OSBPL8: variants seen among roughly 807,000 people sequenced by gnomAD.
OSBPL8 encodes the protein oxysterol-binding protein-related protein 8.
Under a neutral mutation model 125.5 loss-of-function variants are expected in OSBPL8, and 59 were observed. The ratio of observed to expected loss-of-function variants is 0.47; its 90% CI spans 0.38 to 0.58. OSBPL8 has a LOEUF of 0.58. Ranked by LOEUF, OSBPL8 falls within the 20% of genes least tolerant of loss-of-function variation. The pLI is 0.00. For missense variants in OSBPL8, 758 were observed against 1,047.8 expected (o/e 0.72, Z 3.82); for synonymous variants, 330 against 338.9 (o/e 0.97, Z 0.29).
At position 76,510,617 on chromosome 12, in the gene OSBPL8, C is replaced by T. The variant is rs545156318; in HGVS notation, c.-67-22999G>A. 1.5e-3 allele frequency among the ~76,000 whole-genome samples: 231 copies of T among 152,196 alleles called. 2 individuals carry two copies. The highest frequency in any genetic ancestry group is 4.9e-3 in the African/African-American group (203 of 41,542). ...ATTTATGACTGGGTGCAGTGGCTCA[C>T]GCCTGTAATCCCAGCACTTTGGGAG... On this transcript the variant is annotated intron_variant, in intron 1 of 23. Coordinates refer to ENST00000261183, the MANE Select transcript of OSBPL8 (RefSeq NM_020841.5).
intron 1 of OSBPL8, among the ~76,000 whole-genome samples, chr12:76,540,791 T>C (rs561048331): frequency 6.6e-6 from 1 of 152,126 alleles, no homozygotes; most frequent in South Asian, 2.1e-4. Context: ...ACTCCAAATA[T>C]ATTATTTGTA....
chr12:76,435,114 T>C (rs1026080695), intron 4 of OSBPL8, among the ~76,000 whole-genome samples: 1 of 151,908 alleles, frequency 6.6e-6, no homozygotes, highest in African/African-American at 2.4e-5. Context: ...AAATGTCCAC[T>C]GCAGAGAATG....
In OSBPL8 at chr12:76,491,491, T is replaced by C. The variant is rs73385518; in HGVS notation, c.-67-3873A>G. On this transcript the variant is annotated intron_variant, in intron 1 of 23. Transcript: ENST00000261183. ...GTGAAAACATTATTTAATTGGACTTTGTAAGGTTGACATTTGGCTCCTTTG... is the reference window on the plus strand; with the variant it reads ...GTGAAAACATTATTTAATTGGACTTCGTAAGGTTGACATTTGGCTCCTTTG... Among the ~76,000 whole-genome samples, 868 of 152,334 alleles carry C rather than the reference T, an allele frequency of 5.7e-3. 11 individuals are homozygous for C. The highest frequency in any genetic ancestry group is 0.02 in the African/African-American group (835 of 41,582).
At chr12:76,387,553 A>T (rs1304654195) in intron 12 of OSBPL8, among the ~76,000 whole-genome samples, 1 of 152,154 alleles carries the variant, frequency 6.6e-6, no homozygotes, top group Non-Finnish European at 1.5e-5. Context: ...CTGATTGTGT[A>T]TGTCTGAAGT....
chr12:76,486,060 T>C (rs1279612902), intron 2 of OSBPL8: 1 of 431,302 alleles, frequency 2.3e-6, no homozygotes, highest in Admixed American at 2.6e-5. Flanking sequence ...TAAATCAATG[T>C]GACAACAGCC....
chr12:76,476,468 G>A lies in OSBPL8; in HGVS notation c.42+11042C>T, dbSNP rs974117995. On this transcript the variant is annotated intron_variant, in intron 2 of 23. Coordinates refer to ENST00000261183, the MANE Select transcript of OSBPL8 (RefSeq NM_020841.5). ...TGAACAAGCAAATATTTTTAAAGCC[G>A]ATAATACTGGGTATAAAAATATTAT... Among the ~76,000 whole-genome samples, 5 of 152,112 alleles carry A rather than the reference G, an allele frequency of 3.3e-5. No individual in the cohort carries two copies. The East Asian group carries it at 9.6e-4, about 29-fold the overall frequency.
chr12:76,457,279 T>C (rs960032043), intron 3 of OSBPL8, among the ~76,000 whole-genome samples: 1 of 152,124 alleles, frequency 6.6e-6, no homozygotes, highest in African/African-American at 2.4e-5. Flanking sequence ...ATATTGTATC[T>C]TTATGTTTGT....
chr12:76,446,801 T>C (rs1313111627), intron 4 of OSBPL8, among the ~76,000 whole-genome samples: 1 of 152,142 alleles, frequency 6.6e-6, no homozygotes, highest in East Asian at 1.9e-4. Flanking sequence ...CTAAATACTA[T>C]TATCTTCACT....
At chr12:76,413,975 C>G (rs555904366) in intron 4 of OSBPL8, among the ~76,000 whole-genome samples, 1 of 152,202 alleles carries the variant, frequency 6.6e-6, no homozygotes, top group East Asian at 1.9e-4. Flanking sequence ...AAGGTTAATG[C>G]TTTGGGGTCT....
At chr12:76,426,460 T>C (rs1870156942) in intron 4 of OSBPL8, among the ~76,000 whole-genome samples, 4 of 152,064 alleles carry the variant, frequency 2.6e-5, no homozygotes, top group Admixed American at 2.6e-4. Flanking sequence ...TGTCTAGATA[T>C]GCATACATGA....
intron 4 of OSBPL8, among the ~76,000 whole-genome samples, chr12:76,431,102 T>C (rs1057006156): frequency 2.0e-5 from 3 of 152,036 alleles, no homozygotes; most frequent in African/African-American, 4.8e-5. Flanking sequence ...AAATGTGACA[T>C]CAATTACATA....
chr12:76,459,478 A>C (rs1442037506), intron 3 of OSBPL8, among the ~76,000 whole-genome samples: 1 of 152,246 alleles, frequency 6.6e-6, no homozygotes, highest in Non-Finnish European at 1.5e-5. Context: ...TTATGTAAAA[A>C]TTCTGACAAA....
intron 1 of OSBPL8, among the ~76,000 whole-genome samples, chr12:76,491,884 T>A (rs759985613): frequency 2.0e-5 from 3 of 152,184 alleles, no homozygotes; most frequent in African/African-American, 4.8e-5. Flanking sequence ...CAAAATATCA[T>A]AAGCAGCTTT....
At chr12:76,393,962 G>C (rs1953681634) in intron 9 of OSBPL8, among the ~76,000 whole-genome samples, 2 of 152,158 alleles carry the variant, frequency 1.3e-5, no homozygotes, top group Non-Finnish European at 2.9e-5. Flanking sequence ...AGAGGTTGCA[G>C]TGAGCCGAGA....
At chr12:76,410,864 T>C (rs1345616311) in intron 4 of OSBPL8, among the ~76,000 whole-genome samples, 2 of 152,178 alleles carry the variant, frequency 1.3e-5, no homozygotes, top group Non-Finnish European at 2.9e-5. Context: ...AAATATCTCT[T>C]CTTTGCTCCT....
intron 4 of OSBPL8, among the ~76,000 whole-genome samples, chr12:76,417,515 T>C (rs1409533081): frequency 6.6e-6 from 1 of 152,218 alleles, no homozygotes; most frequent in Non-Finnish European, 1.5e-5. Flanking sequence ...TTCCCTTTTA[T>C]TCTGCATGCC....
intron 14 of OSBPL8, among the ~76,000 whole-genome samples, chr12:76,385,323 G>A (rs772489705): frequency 3.3e-5 from 5 of 152,196 alleles, no homozygotes; most frequent in East Asian, 1.9e-4. Flanking sequence ...AGAGAATGTC[G>A]TATTCCTCAA....
intron 1 of OSBPL8, among the ~76,000 whole-genome samples, chr12:76,509,063 T>C (rs1880716769): frequency 6.6e-6 from 1 of 152,236 alleles, no homozygotes; most frequent in Non-Finnish European, 1.5e-5. Flanking sequence ...TCTTGGGGTC[T>C]GGATCAGGAC....
Position 76,437,576 on chromosome 12 carries a change from C to T in OSBPL8, c.217+13275G>A, listed in dbSNP as rs144009721. 4.3e-3 allele frequency among the ~76,000 whole-genome samples: 654 copies of T among 152,302 alleles called. 8 individuals carry two copies. Among genetic ancestry groups the T allele is most frequent in the African/African-American group, 0.015 (627 of 41,570 alleles). On this transcript the variant is annotated intron_variant, in intron 4 of 23. Transcript: ENST00000261183. Reference sequence around the variant, plus strand: ...GTTAGTTACATGCACTGCAACGCATCTCTACTCCCACCCTTGCCTGGTTCT... The same window carrying T: ...GTTAGTTACATGCACTGCAACGCATTTCTACTCCCACCCTTGCCTGGTTCT...
Sources: gnomAD v4.1 joint callset for allele counts (sites outside exome capture counted in the v4.1 genomes callset) on GRCh38, gnomAD v4.1.1 for gene constraint, MANE v1.5 for transcripts, NCBI Gene and HGNC (gene_info 2026-07-23, HGNC 2026-07-21) for gene names.